TADA2A: variants seen among roughly 807,000 people sequenced by gnomAD.
TADA2A encodes transcriptional adaptor 2A.
A neutral mutation model predicts 67.4 loss-of-function variants in TADA2A; 38 were observed. The observed-to-expected ratio is 0.56, with a 90% confidence interval of 0.44 to 0.74. TADA2A has a LOEUF of 0.74. Ranked by LOEUF, TADA2A falls within the 30% of genes least tolerant of loss-of-function variation. The pLI is 0.00. For synonymous variants in TADA2A, 192 were observed against 181.6 expected (o/e 1.06, Z -0.46); for missense variants, 454 against 547.0 (o/e 0.83, Z 1.70).
intron 5 of TADA2A, among the ~76,000 whole-genome samples, chr17:37,439,802 A>G (rs1392241272): frequency 1.3e-5 from 2 of 152,114 alleles, no homozygotes; most frequent in East Asian, 3.8e-4. Context: ...AAATAAAACT[A>G]TATTTCTGTA....
At chr17:37,443,230 G>A (rs1486538475) in intron 7 of TADA2A, among the ~76,000 whole-genome samples, 1 of 151,346 alleles carries the variant, frequency 6.6e-6, no homozygotes, top group Non-Finnish European at 1.5e-5. Context: ...ACTTCCTTAG[G>A]TATGAAATTC....
intron 4 of TADA2A, among the ~76,000 whole-genome samples, chr17:37,431,923 C>T (rs1018567892): frequency 1.3e-5 from 2 of 152,160 alleles, no homozygotes; most frequent in African/African-American, 4.8e-5. Context: ...TATATCATTT[C>T]ATCTTTCAGT....
At chr17:37,428,711 T>C (rs973567673) in intron 4 of TADA2A, among the ~76,000 whole-genome samples, 6 of 152,156 alleles carry the variant, frequency 3.9e-5, no homozygotes, top group African/African-American at 7.2e-5. Context: ...CCTGACTAGC[T>C]GGGACTATAG....
chr17:37,436,094 C>G (rs1721871028), intron 4 of TADA2A, among the ~76,000 whole-genome samples: 1 of 152,062 alleles, frequency 6.6e-6, no homozygotes, highest in Admixed American at 6.6e-5. Flanking sequence ...TTATACTTCC[C>G]AATGACACTA....
chr17:37,422,470 C>T (rs1714251200), intron 2 of TADA2A, among the ~76,000 whole-genome samples: 2 of 123,756 alleles, frequency 1.6e-5, no homozygotes, highest in Admixed American at 8.8e-5. Flanking sequence ...CGTGAGCCAC[C>T]ATGCCCAGCT....
intron 11 of TADA2A, 136 bp downstream of exon 11, chr17:37,465,677 G>A (rs567987970): frequency 6.7e-7 from 1 of 1,492,902 alleles, no homozygotes; most frequent in Non-Finnish European, 9.0e-7. Context: ...TTATTACCAT[G>A]AGACAAATTT....
intron 14 of TADA2A, 88 bp downstream of exon 14, chr17:37,471,225 G>A (rs979884735): frequency 1.5e-6 from 2 of 1,346,860 alleles, no homozygotes; most frequent in Admixed American, 3.8e-5. Flanking sequence ...CTTCCTCTGT[G>A]GTGTCAGGGT....
intron 4 of TADA2A, among the ~76,000 whole-genome samples, chr17:37,433,186 G>C (rs860468): frequency 0.73 from 109,974 of 151,584 alleles, 40,528 homozygotes; most frequent in East Asian, 0.97. Flanking sequence ...CTCCTGGACT[G>C]AAGGGATCCT....
At chr17:37,413,297 A>C (rs2051935548) in intron 2 of TADA2A, among the ~76,000 whole-genome samples, 1 of 152,210 alleles carries the variant, frequency 6.6e-6, no homozygotes, top group South Asian at 2.1e-4. Flanking sequence ...TTTAGGAGAG[A>C]ATGGAGTCTT....
In TADA2A at chr17:37,440,481, T is replaced by C. The variant is rs1457363593; in HGVS notation, c.285-24T>C. On this transcript the variant is annotated intron_variant, in intron 5 of 15. Transcript: ENST00000615182. ...TATGTGTAAATACAAGTACCACTTCTCTCTTTTTCCCACAATCCTCTAGGC... is the reference window on the plus strand; with the variant it reads ...TATGTGTAAATACAAGTACCACTTCCCTCTTTTTCCCACAATCCTCTAGGC... The C allele has an allele frequency of 1.9e-6, 3 of 1,611,844 alleles. No individual in the cohort carries two copies. The Admixed American group carries it at 5.0e-5, about 27-fold the overall frequency.
intron 9 of TADA2A, among the ~76,000 whole-genome samples, chr17:37,459,314 G>T (rs370050350): frequency 2.0e-5 from 3 of 146,816 alleles, no homozygotes; most frequent in African/African-American, 7.6e-5. Flanking sequence ...ATGGAGTCTC[G>T]TTCTGTCACC....
At chr17:37,414,235 A>G (rs1254383900) in intron 2 of TADA2A, among the ~76,000 whole-genome samples, 4 of 151,736 alleles carry the variant, frequency 2.6e-5, no homozygotes, top group Non-Finnish European at 5.9e-5. Flanking sequence ...AGGAATTCCT[A>G]TTTTTTCAAG....
intron 9 of TADA2A, among the ~76,000 whole-genome samples, chr17:37,461,627 C>T (rs964478935): frequency 1.3e-5 from 2 of 152,094 alleles, no homozygotes; most frequent in East Asian, 3.8e-4. Context: ...TTTCTAGTAC[C>T]GCCAGTGTTG....
At chr17:37,463,714 A>G (rs1597933593) in intron 10 of TADA2A, among the ~76,000 whole-genome samples, 2 of 151,910 alleles carry the variant, frequency 1.3e-5, no homozygotes, top group African/African-American at 4.8e-5. Context: ...GCAGTGGCTC[A>G]GCTCACTGCA....
At chr17:37,413,103 T>G (rs2051928983) in intron 2 of TADA2A, among the ~76,000 whole-genome samples, 1 of 152,092 alleles carries the variant, frequency 6.6e-6, no homozygotes, top group South Asian at 2.1e-4. Flanking sequence ...ATTTTTGTAT[T>G]TTTAGTAGAT....
intron 4 of TADA2A, among the ~76,000 whole-genome samples, chr17:37,427,296 T>C (rs853219): frequency 0.48 from 73,247 of 152,100 alleles, 18,433 homozygotes; most frequent in East Asian, 0.8. Context: ...ACTTTTGATA[T>C]GAGGATAACA....
chr17:37,422,624 A>G (rs973670216), intron 2 of TADA2A, among the ~76,000 whole-genome samples: 2 of 151,768 alleles, frequency 1.3e-5, no homozygotes, highest in Admixed American at 6.6e-5. Context: ...CTGTGCCTCA[A>G]CTTCCCAAGT....
chr17:37,472,556 A>C (rs2148048875), intron 14 of TADA2A, among the ~76,000 whole-genome samples: 1 of 152,090 alleles, frequency 6.6e-6, no homozygotes, highest in Non-Finnish European at 1.5e-5. Flanking sequence ...AATACTGGCT[A>C]ATTAAAATGA....
intron 14 of TADA2A, among the ~76,000 whole-genome samples, chr17:37,472,626 G>A (rs991135951): frequency 2.0e-5 from 3 of 151,888 alleles, no homozygotes; most frequent in African/African-American, 7.3e-5. Flanking sequence ...AGAGGCTGAG[G>A]CGGGCAGATC....
Sources: allele counts gnomAD v4.1 joint callset (sites outside exome capture counted in the v4.1 genomes callset), GRCh38; gene constraint gnomAD v4.1.1; transcripts MANE v1.5; gene names NCBI Gene and HGNC (gene_info 2026-07-23, HGNC 2026-07-21).